PTPRN2: variants seen among roughly 807,000 people sequenced by gnomAD.
The protein encoded by PTPRN2 is protein tyrosine phosphatase receptor type N2.
A neutral mutation model predicts 118.8 loss-of-function variants in PTPRN2; 74 were observed. The ratio of observed to expected loss-of-function variants is 0.62; its 90% CI spans 0.52 to 0.76. The LOEUF (loss-of-function observed/expected upper bound fraction) is 0.76. PTPRN2 is among the 30% of genes least tolerant of loss of function. The probability of loss-of-function intolerance (pLI) is 0.00; values close to 1 mark genes in which losing one functional copy is unlikely to be tolerated. For missense variants in PTPRN2, 1,481 were observed against 1,394.4 expected, an observed-to-expected ratio of 1.06 and a Z score of -0.99; for synonymous variants, 641 against 608.0, an observed-to-expected ratio of 1.05 and a Z score of -0.80.
chr7:157,865,834 G>T (rs776090580), intron 12 of PTPRN2: 1 of 152,212 alleles, frequency 6.6e-6, no homozygotes, highest in Non-Finnish European at 1.5e-5. Context: ...CCGGCCTCCA[G>T]AAGCTGCTGT....
intron 13 of PTPRN2, among the ~76,000 whole-genome samples, chr7:157,680,100 C>T (rs780260118): frequency 2.6e-5 from 4 of 152,212 alleles, no homozygotes; most frequent in Non-Finnish European, 4.4e-5. Flanking sequence ...TCTCTCTCTC[C>T]GAGGTTACCT....
At chr7:158,578,011 C>T (rs1175211278) in intron 1 of PTPRN2, among the ~76,000 whole-genome samples, 1 of 152,222 alleles carries the variant, frequency 6.6e-6, no homozygotes, top group Non-Finnish European at 1.5e-5. Flanking sequence ...CAGCCAGACA[C>T]TCACCTCGCT....
At chr7:158,253,558 CG>C (rs1796825810) in intron 3 of PTPRN2, among the ~76,000 whole-genome samples, 1 of 152,164 alleles carries the variant, frequency 6.6e-6, no homozygotes, top group Admixed American at 6.5e-5. Flanking sequence ...GCCAGACTCC[CG>C]AAACCCAGGC....
At chr7:157,678,920 G>A (rs1320577814) in intron 13 of PTPRN2, among the ~76,000 whole-genome samples, 1 of 152,044 alleles carries the variant, frequency 6.6e-6, no homozygotes, top group Non-Finnish European at 1.5e-5. Context: ...GAGAAAAGGA[G>A]GAGAATGTCT....
chr7:158,540,096 G>A (rs974572305), intron 1 of PTPRN2, among the ~76,000 whole-genome samples: 9 of 152,176 alleles, frequency 5.9e-5, no homozygotes, highest in Admixed American at 4.6e-4. Flanking sequence ...GTGTCCCCAC[G>A]TGGCTGCTGC....
chr7:157,873,449 G>A (rs190192849), intron 12 of PTPRN2, among the ~76,000 whole-genome samples: 4 of 152,192 alleles, frequency 2.6e-5, no homozygotes, highest in East Asian at 1.9e-4. Context: ...TGCAAGGTCC[G>A]TCTCGCCGTG....
At chr7:158,485,070 TG>T (rs1820909045) in intron 2 of PTPRN2, among the ~76,000 whole-genome samples, 1 of 152,044 alleles carries the variant, frequency 6.6e-6, no homozygotes, top group African/African-American at 2.4e-5. Context: ...GCAGACACCC[TG>T]CAACGGCCCG....
Position 158,268,559 on chromosome 7 carries a change from T to C in PTPRN2, c.277+48260A>G, listed in dbSNP as rs560523937. Among the ~76,000 whole-genome samples the C allele has an allele frequency of 2.4e-5, 3 of 124,242 alleles. No individual in the cohort carries two copies. In the South Asian group the frequency reaches 7.8e-4, roughly 32 times the overall value. 81.5% of individuals were successfully genotyped at this position (124,242 alleles called of 152,430 possible). A position where few individuals can be genotyped will look rare whatever the true frequency, so the allele number is the denominator to read the frequency against. On this transcript the variant is annotated intron_variant, in intron 3 of 22. Transcript: ENST00000389418. ...ACACGCACACAGGGCGGGTGTGTAA[T>C]ATCCCAGCCGCACGCACACAGGGCG...
At chr7:158,096,129 T>G (rs921279013) in intron 10 of PTPRN2, among the ~76,000 whole-genome samples, 3 of 152,334 alleles carry the variant, frequency 2.0e-5, no homozygotes, top group Admixed American at 2.0e-4. Context: ...CCAGCTAACA[T>G]GTATTGCAAA....
Position 157,578,135 on chromosome 7 carries a change from C to T in PTPRN2, c.2502G>A (p.Val834=), listed in dbSNP as rs772922514. The T allele has an allele frequency of 1.9e-6, 3 of 1,608,684 alleles. No homozygotes were observed. Among genetic ancestry groups the T allele is most frequent in the African/African-American group, 2.7e-5 (2 of 74,874 alleles). ...PATVADFWQM[V]WESGCVVIVM... ...CGATCACCACGCAGCCGCTCTCCCA[C>T]ACCATCTGCGGACAAAGAAGGCCCG... Residue 834 remains valine, a synonymous_variant, in exon 18 of 23, where the codon GTG becomes GTA. Transcript: ENST00000389418.
chr7:158,166,792 G>A (rs1823044744), intron 6 of PTPRN2, 139 bp downstream of exon 6: 1 of 1,137,528 alleles, frequency 8.8e-7, no homozygotes, highest in African/African-American at 1.6e-5. Flanking sequence ...CCTACATGGT[G>A]CCCCATTCCT....
chr7:158,268,361 GCA>G (rs752337985), intron 3 of PTPRN2, among the ~76,000 whole-genome samples: 5 of 139,292 alleles, frequency 3.6e-5, no homozygotes, highest in South Asian at 2.4e-4. Context: ...CCAGCTGCAC[GCA>G]CACAGAGTGG....
chr7:157,725,362 T>A, intron 12 of PTPRN2, among the ~76,000 whole-genome samples: 1 of 30,896 alleles, frequency 3.2e-5, no homozygotes. Flanking sequence ...CACAGAGGAG[T>A]GTGGCCAGAC....
chr7:158,584,866 A>G (rs1484711414), intron 1 of PTPRN2, among the ~76,000 whole-genome samples: 1 of 152,192 alleles, frequency 6.6e-6, no homozygotes, highest in African/African-American at 2.4e-5. Context: ...CATCCTATAT[A>G]AAAAGAATTG....
chr7:158,284,284 C>A (rs80101393), intron 3 of PTPRN2, among the ~76,000 whole-genome samples: 2,154 of 152,184 alleles, frequency 0.014, 59 homozygotes, highest in African/African-American at 0.049. Flanking sequence ...CAGGAACTCT[C>A]CGAGTCAGCC....
chr7:158,377,036 C>T (rs57131529), intron 2 of PTPRN2, among the ~76,000 whole-genome samples: 1 of 124,306 alleles, frequency 8.0e-6, no homozygotes, highest in African/African-American at 3.2e-5. Flanking sequence ...CAGGGGACTC[C>T]CCCACAGCCC....
intron 1 of PTPRN2, among the ~76,000 whole-genome samples, chr7:158,516,514 C>T (rs1823571048): frequency 6.6e-6 from 1 of 152,136 alleles, no homozygotes; most frequent in African/African-American, 2.4e-5. Context: ...TGCTTTCTGC[C>T]TATTGTTCTT....
chr7:158,080,102 G>A (rs186421636), intron 11 of PTPRN2, among the ~76,000 whole-genome samples: 29 of 152,036 alleles, frequency 1.9e-4, no homozygotes, highest in Admixed American at 4.6e-4. Flanking sequence ...ACCCGCAGCA[G>A]CCAAAACAGA....
At chr7:157,545,518 G>A (rs1798273107) in intron 22 of PTPRN2, among the ~76,000 whole-genome samples, 1 of 152,052 alleles carries the variant, frequency 6.6e-6, no homozygotes, top group South Asian at 2.1e-4. Flanking sequence ...TGTACACAGT[G>A]TGTGTGGCTG....
Sources: allele counts gnomAD v4.1 joint callset (sites outside exome capture counted in the v4.1 genomes callset), GRCh38; gene constraint gnomAD v4.1.1; transcripts MANE v1.5; gene names NCBI Gene and HGNC (gene_info 2026-07-23, HGNC 2026-07-21).